COL18A1: variants seen among roughly 807,000 people sequenced by gnomAD.
COL18A1 encodes collagen type XVIII alpha 1 chain.
A neutral mutation model predicts 168.0 loss-of-function variants in COL18A1; 133 were observed. That is an observed-to-expected ratio of 0.79 (90% CI 0.69 to 0.91). The LOEUF (loss-of-function observed/expected upper bound fraction) is 0.91. Ranked by LOEUF, COL18A1 falls within the 40% of genes least tolerant of loss-of-function variation. The pLI is 0.00. For missense variants in COL18A1, 2,126 were observed against 1,925.4 expected (o/e 1.10, Z -1.95); for synonymous variants, 949 against 809.0 (o/e 1.17, Z -2.94).
intron 2 of COL18A1, among the ~76,000 whole-genome samples, chr21:45,444,649 C>T (rs1037337979): frequency 6.6e-6 from 1 of 151,972 alleles, no homozygotes; most frequent in Admixed American, 6.6e-5. Flanking sequence ...AGAGAGGCTC[C>T]GGGGAGTGGA....
chr21:45,477,428 T>C lies in COL18A1; in HGVS notation c.946T>C (p.Ser316Pro). The C allele has an allele frequency of 6.2e-7, 1 of 1,613,134 alleles. No homozygotes were observed. Among genetic ancestry groups the C allele is most frequent in the Non-Finnish European group, 8.5e-7 (1 of 1,179,656 alleles). Residue 316 changes from serine to proline, a missense_variant, in exon 7 of 42, where the codon TCA becomes CCA. Coordinates refer to ENST00000651438, the MANE Select transcript of COL18A1 (RefSeq NM_001379500.1). ...ASLGAQTLPG[S>P]DSVSTWDGSV... ...CTTCCCAGCTCAGACACTTCCTGGC[T>C]CAGATTCTGTCTCCACGTGGGACGG...
chr21:45,501,736 G>A (rs2036848577), intron 32 of COL18A1, among the ~76,000 whole-genome samples: 1 of 118,360 alleles, frequency 8.4e-6, no homozygotes, highest in African/African-American at 2.9e-5. Context: ...GGACCCCCAG[G>A]GGCTCCACAG....
chr21:45,430,969 G>C (rs1487578635), intron 2 of COL18A1, among the ~76,000 whole-genome samples: 1 of 152,262 alleles, frequency 6.6e-6, no homozygotes, highest in Non-Finnish European at 1.5e-5. Context: ...TCCGTAGAAA[G>C]ACCTAGAAAT....
At chr21:45,494,130 T>G in intron 26 of COL18A1, 1 of 356,656 alleles carries the variant, frequency 2.8e-6, no homozygotes, top group Non-Finnish European at 5.3e-6. Flanking sequence ...CCCTCCGGGG[T>G]GTTTGGGGTG....
At chr21:45,488,373 A>G (rs1190359306) in intron 17 of COL18A1, 45 bp from the exon 18 acceptor site, 2 of 1,613,222 alleles carry the variant, frequency 1.2e-6, no homozygotes, top group African/African-American at 2.7e-5. Context: ...ATCTCACAGC[A>G]GGGCCTCCAG....
chr21:45,503,938 C>G, intron 32 of COL18A1, 73 bp from the exon 33 acceptor site: 7 of 1,559,660 alleles, frequency 4.5e-6, no homozygotes, highest in Non-Finnish European at 6.2e-6. Flanking sequence ...CCCACCAGTG[C>G]TGGGGGCTGC....
At chr21:45,422,423 G>T in intron 2 of COL18A1, 1 of 526,546 alleles carries the variant, frequency 1.9e-6, no homozygotes, top group South Asian at 1.4e-5. Context: ...TCTTCCTGCA[G>T]CTTTTGAAGG....
Position 45,511,179 on chromosome 21 carries a change from A to G in COL18A1, c.3762A>G (p.Ala1254=). ...CTGAGGGTCCGCTGAAGCCCGGGGCACGCATCTTCTCCTTTGACGGCAAGG... is the reference window on the plus strand; with the variant it reads ...CTGAGGGTCCGCTGAAGCCCGGGGCGCGCATCTTCTCCTTTGACGGCAAGG... The part of the protein sequence containing the change: ...SGSEGPLKPG[A]RIFSFDGKDV... Residue 1254 remains alanine, a synonymous_variant, in exon 41 of 42, where the codon GCA becomes GCG. Coordinates refer to ENST00000651438, the MANE Select transcript of COL18A1 (RefSeq NM_001379500.1). 2 of 1,601,244 alleles carry G rather than the reference A, an allele frequency of 1.2e-6. No homozygotes were observed. Among genetic ancestry groups the G allele is most frequent in the South Asian group, 1.1e-5 (1 of 88,704 alleles).
chr21:45,427,289 G>T (rs958256319), intron 2 of COL18A1, among the ~76,000 whole-genome samples: 1 of 152,106 alleles, frequency 6.6e-6, no homozygotes, highest in Admixed American at 6.5e-5. Context: ...TCCTGCCAGT[G>T]GCCCCTGGAG....
Position 45,501,107 on chromosome 21 carries a change from G to GGTGT in COL18A1, c.2684-2888_2684-2885dup, listed in dbSNP as rs34746806. 2.5e-4 allele frequency among the ~76,000 whole-genome samples: 15 copies of GGTGT among 60,398 alleles called. 4 individuals carry two copies. Among genetic ancestry groups the GGTGT allele is most frequent in the African/African-American group, 8.8e-4 (15 of 17,118 alleles). 39.6% of individuals were successfully genotyped at this position (60,398 alleles called of 152,430 possible). ...GGTGTGGAGTGTGGGGGTGTGGTTT[G>GGTGT]GTGTGTGTGTGTGTGTGTGCAAAGT... On this transcript the variant is annotated intron_variant, in intron 32 of 41. Transcript: ENST00000651438.
At chr21:45,508,965 G>A (rs1384087587) in intron 38 of COL18A1, among the ~76,000 whole-genome samples, 2 of 152,134 alleles carry the variant, frequency 1.3e-5, no homozygotes, top group Non-Finnish European at 2.9e-5. Flanking sequence ...GGGATTTCTA[G>A]GGTGGAGGTC....
At chr21:45,452,881 T>G (rs1415507221) in intron 2 of COL18A1, among the ~76,000 whole-genome samples, 3 of 152,078 alleles carry the variant, frequency 2.0e-5, no homozygotes, top group Admixed American at 6.5e-5. Context: ...CATGTGAGTA[T>G]TCACATGTGA....
At chr21:45,455,464 C>T (rs568608028) in intron 2 of COL18A1, 2 of 1,599,820 alleles carry the variant, frequency 1.3e-6, no homozygotes, top group Non-Finnish European at 1.7e-6. Flanking sequence ...AGGGCGTGAG[C>T]CTGGCTAGCC....
chr21:45,479,915 C>T lies in COL18A1; in HGVS notation c.1262C>T (p.Pro421Leu), dbSNP rs770244357. ...GEDGKPGDTG[P>L]QGFPGTPGDV... Reference sequence around the variant, plus strand: ...GTTGTGTTCCAGGGCGACACCGGGCCACAAGGCTTCCCCGGGACTCCAGGG... The same window carrying T: ...GTTGTGTTCCAGGGCGACACCGGGCTACAAGGCTTCCCCGGGACTCCAGGG... The change falls in exon 10 of 42, where the codon CCA (proline) becomes CTA (leucine). Residue 421 changes from proline to leucine, a missense_variant. Coordinates refer to ENST00000651438, the MANE Select transcript of COL18A1 (RefSeq NM_001379500.1). The T allele has an allele frequency of 1.2e-5, 20 of 1,613,634 alleles. No homozygotes were observed. The South Asian group carries it at 2.2e-4, about 18-fold the overall frequency.
intron 3 of COL18A1, among the ~76,000 whole-genome samples, chr21:45,470,999 G>T (rs1178128085): frequency 6.7e-6 from 1 of 149,776 alleles, no homozygotes; most frequent in Non-Finnish European, 1.5e-5. Context: ...GCTTCGTGCT[G>T]CTGGGCCTGG....
intron 10 of COL18A1, 29 bp from the exon 11 acceptor site, chr21:45,480,041 G>A (rs746735312): frequency 8.7e-6 from 14 of 1,610,824 alleles, no homozygotes; most frequent in Non-Finnish European, 1.2e-5. Flanking sequence ...GCGTGCCCAG[G>A]GTATGATAGG....
At chr21:45,496,640 G>T (rs781027396) in intron 30 of COL18A1, 72 bp downstream of exon 30, 144 of 813,790 alleles carry the variant, frequency 1.8e-4, no homozygotes, top group Non-Finnish European at 3.0e-4. Flanking sequence ...GAGGGGCTGG[G>T]CCTTCTTCTC....
intron 13 of COL18A1, among the ~76,000 whole-genome samples, 156 bp downstream of exon 13, chr21:45,481,014 G>A (rs1438632846): frequency 6.6e-6 from 1 of 152,188 alleles, no homozygotes; most frequent in Non-Finnish European, 1.5e-5. Context: ...TGCTGACTCG[G>A]GGCCACCCTG....
At chr21:45,480,283 T>A (rs930281670) in intron 11 of COL18A1, 127 bp downstream of exon 11, 5 of 1,212,034 alleles carry the variant, frequency 4.1e-6, no homozygotes, top group Non-Finnish European at 5.9e-6. Context: ...AGCTGAGGGG[T>A]CACAGGTGTG....
Sources: gnomAD v4.1 joint callset for allele counts (sites outside exome capture counted in the v4.1 genomes callset) on GRCh38, gnomAD v4.1.1 for gene constraint, MANE v1.5 for transcripts, NCBI Gene and HGNC (gene_info 2026-07-23, HGNC 2026-07-21) for gene names.